Variants in PRKAG2 observed in about 807,000 individuals in gnomAD.
PRKAG2 encodes the protein 5'-AMP-activated protein kinase subunit gamma-2.
PRKAG2 carries 26 observed loss-of-function variants against 69.6 expected under a neutral mutation model. The observed-to-expected ratio is 0.37, with a 90% CI of 0.27 to 0.52. The LOEUF is 0.52. Ranked by LOEUF, PRKAG2 falls within the 20% of genes least tolerant of loss-of-function variation. PRKAG2 has a pLI of 0.90. For missense variants in PRKAG2, 557 were observed against 740.0 expected (o/e 0.75, Z 2.87); for synonymous variants, 293 against 285.0 (o/e 1.03, Z -0.28).
rs1329042615 is a variant in PRKAG2, at chr7:151,565,269, T to C, written c.1437+77A>G. On this transcript the variant is annotated intron_variant, in intron 13 of 15. Transcript: ENST00000287878. Reference sequence around the variant, plus strand: ...GAAATTATTAAATTAAGAAACAAGATAAAAACATAAAAACACATTACATGA... The same window carrying C: ...GAAATTATTAAATTAAGAAACAAGACAAAAACATAAAAACACATTACATGA... 2.6e-6 allele frequency: 3 copies of C among 1,144,794 alleles called. No individual in the cohort carries two copies. The African/African-American group carries it at 4.8e-5, about 18-fold the overall frequency. 70.9% of individuals were successfully genotyped at this position (1,144,794 alleles called of 1,614,324 possible). A position where few individuals can be genotyped will look rare whatever the true frequency, so the allele number is the denominator to read the frequency against.
chr7:151,677,711 C>T (rs1287353730), intron 3 of PRKAG2, among the ~76,000 whole-genome samples: 1 of 152,204 alleles, frequency 6.6e-6, no homozygotes, highest in Non-Finnish European at 1.5e-5. Flanking sequence ...TTTTGGCAAT[C>T]ACATGTAGCC....
intron 15 of PRKAG2, 119 bp from the exon 16 acceptor site, chr7:151,557,351 G>A: frequency 6.2e-7 from 1 of 1,607,114 alleles, no homozygotes. Flanking sequence ...GGCTTCGGAG[G>A]AGGGCGATGT....
intron 4 of PRKAG2, among the ~76,000 whole-genome samples, chr7:151,642,545 T>C (rs1826914974): frequency 6.6e-6 from 1 of 152,178 alleles, no homozygotes; most frequent in South Asian, 2.1e-4. Flanking sequence ...AAAAGAAGTG[T>C]ATTAATTCTG....
intron 5 of PRKAG2, among the ~76,000 whole-genome samples, chr7:151,619,404 G>T (rs543825087): frequency 3.5e-4 from 53 of 152,230 alleles, no homozygotes; most frequent in Admixed American, 2.8e-3. Context: ...AAAACTTTCC[G>T]AGTGCCAACA....
intron 1 of PRKAG2, chr7:151,810,600 G>C (rs2078366881): frequency 6.5e-6 from 1 of 153,048 alleles, no homozygotes; most frequent in Non-Finnish European, 1.5e-5. Flanking sequence ...GCAGTTCCTG[G>C]CAGCGCCTGC....
chr7:151,714,254 T>A (rs2151617014), intron 3 of PRKAG2, among the ~76,000 whole-genome samples: 1 of 151,894 alleles, frequency 6.6e-6, no homozygotes, highest in Admixed American at 6.5e-5. Flanking sequence ...CTAACTTACG[T>A]TTGACTTCTA....
intron 11 of PRKAG2, among the ~76,000 whole-genome samples, 189 bp downstream of exon 11, chr7:151,568,527 T>C (rs1806796624): frequency 4.6e-5 from 7 of 152,228 alleles, no homozygotes; most frequent in Admixed American, 4.6e-4. Flanking sequence ...AAGGTGATTC[T>C]TTTAAATTGG....
chr7:151,729,994 A>C (rs1260010883), intron 3 of PRKAG2, among the ~76,000 whole-genome samples: 1 of 152,214 alleles, frequency 6.6e-6, no homozygotes, highest in African/African-American at 2.4e-5. Flanking sequence ...CGTAGAAAGT[A>C]GAATGGTGTT....
intron 1 of PRKAG2, among the ~76,000 whole-genome samples, chr7:151,860,538 G>A (rs1202440877): frequency 1.3e-5 from 2 of 152,130 alleles, no homozygotes; most frequent in African/African-American, 4.8e-5. Context: ...CCAACCACAA[G>A]ACAGAGAGAG....
At chr7:151,566,518 G>A in intron 11 of PRKAG2, 3 of 418,860 alleles carry the variant, frequency 7.2e-6, no homozygotes, top group Non-Finnish European at 1.4e-5. Context: ...GGAGAGAAAA[G>A]TCTAGGATCA....
chr7:151,720,543 CCT>C (rs1440588608), intron 3 of PRKAG2, among the ~76,000 whole-genome samples: 1 of 151,076 alleles, frequency 6.6e-6, no homozygotes, highest in African/African-American at 2.4e-5. Flanking sequence ...GCACTGACAG[CCT>C]CTGTTTTGAA....
At chr7:151,842,377 TA>T (rs2079323196) in intron 1 of PRKAG2, among the ~76,000 whole-genome samples, 2 of 110,894 alleles carry the variant, frequency 1.8e-5, no homozygotes, top group African/African-American at 7.6e-5. Flanking sequence ...GTAGTGATGG[TA>T]GGTGGGGATG....
intron 3 of PRKAG2, among the ~76,000 whole-genome samples, chr7:151,731,490 A>G (rs1036745224): frequency 6.6e-6 from 1 of 151,960 alleles, no homozygotes; most frequent in Non-Finnish European, 1.5e-5. Flanking sequence ...CGGGGGCTGC[A>G]GGGCCTTGAT....
chr7:151,680,356 C>T (rs568683321), intron 3 of PRKAG2, among the ~76,000 whole-genome samples: 2 of 152,332 alleles, frequency 1.3e-5, no homozygotes, highest in African/African-American at 4.8e-5. Flanking sequence ...CAGGCACAGG[C>T]AGCCACCATT....
At chr7:151,687,312 T>C (rs1406045469) in intron 3 of PRKAG2, among the ~76,000 whole-genome samples, 1 of 132,906 alleles carries the variant, frequency 7.5e-6, no homozygotes, top group East Asian at 2.0e-4. Flanking sequence ...CATCTTGATG[T>C]TGCCACTTAG....
At position 151,771,518 on chromosome 7, in the gene PRKAG2, A is replaced by G. The variant is rs2076019905; in HGVS notation, c.466+9634T>C. 6.6e-6 allele frequency among the ~76,000 whole-genome samples: 1 copy of G among 152,210 alleles called. No individual in the cohort carries two copies. The highest frequency in any genetic ancestry group is 2.4e-5 in the African/African-American group (1 of 41,454). ...GGGAGGAATCATTTTGTATGCATGC[A>G]GTACACACAATGCCATCTTTCCTAG... is the stretch of plus-strand genomic sequence containing the variant. On this transcript the variant is annotated intron_variant, in intron 3 of 15. Transcript: ENST00000287878. This position sits in a 1 kb window ranked among gnomAD's most constrained non-coding sequence, Gnocchi z 4.0.
intron 5 of PRKAG2, among the ~76,000 whole-genome samples, chr7:151,627,009 T>C (rs1823113742): frequency 6.6e-6 from 1 of 152,176 alleles, no homozygotes; most frequent in South Asian, 2.1e-4. Flanking sequence ...TGAACACACA[T>C]TTTTGTTTTG....
At chr7:151,855,281 C>T (rs2079714534) in intron 1 of PRKAG2, among the ~76,000 whole-genome samples, 1 of 142,960 alleles carries the variant, frequency 7.0e-6, no homozygotes, top group Non-Finnish European at 1.5e-5. Context: ...CCTCCACACA[C>T]ACCACCCTCC....
intron 3 of PRKAG2, among the ~76,000 whole-genome samples, chr7:151,714,290 G>A (rs1052709877): frequency 2.0e-5 from 3 of 150,892 alleles, no homozygotes; most frequent in Non-Finnish European, 2.9e-5. Flanking sequence ...GTGTGCCAAG[G>A]TATGGGGGAG....
Sources: gnomAD v4.1 joint callset for allele counts (sites outside exome capture counted in the v4.1 genomes callset) on GRCh38, gnomAD v4.1.1 for gene constraint, Gnocchi (gnomAD v3.1) non-coding constraint, MANE v1.5 for transcripts, NCBI Gene and HGNC (gene_info 2026-07-23, HGNC 2026-07-21) for gene names.